MIER1: variants seen among roughly 807,000 people sequenced by gnomAD.
MIER1 encodes mesoderm induction early response protein 1.
A neutral mutation model predicts 75.7 loss-of-function variants in MIER1; 40 were observed. That is an observed-to-expected ratio of 0.53 (90% CI 0.41 to 0.69). The LOEUF is 0.69. MIER1 is among the 30% of genes least tolerant of loss of function. The probability of loss-of-function intolerance (pLI) is 0.00; values close to 1 mark genes in which losing one functional copy is unlikely to be tolerated. For synonymous variants in MIER1, 213 were observed against 223.4 expected, an observed-to-expected ratio of 0.95 and a Z score of 0.42; for missense variants, 574 against 680.2, an observed-to-expected ratio of 0.84 and a Z score of 1.74.
intron 2 of MIER1, among the ~76,000 whole-genome samples, chr1:66,938,445 C>G (rs1655429776): frequency 6.6e-6 from 1 of 152,008 alleles, no homozygotes; most frequent in South Asian, 2.1e-4. Context: ...TTGCTTGTAG[C>G]CTTACAGAGA....
At chr1:66,931,853 A>C (rs1350945820) in intron 2 of MIER1, among the ~76,000 whole-genome samples, 1 of 144,670 alleles carries the variant, frequency 6.9e-6, no homozygotes, top group East Asian at 1.9e-4. Context: ...TTTGTCAGTT[A>C]GTGTCTTCAG....
intron 8 of MIER1, among the ~76,000 whole-genome samples, chr1:66,967,459 G>T (rs1202074119): frequency 2.6e-5 from 4 of 152,100 alleles, no homozygotes; most frequent in African/African-American, 9.7e-5. Flanking sequence ...TTCTGCTTAG[G>T]ATAGCTTTGG....
chr1:66,928,836 T>C (rs927098289), intron 2 of MIER1: 2 of 1,211,740 alleles, frequency 1.7e-6, no homozygotes, highest in Non-Finnish European at 2.4e-6. Context: ...GTTTGTAGAT[T>C]TGGGAACCTT....
Position 66,958,172 on chromosome 1 carries a change from T to A in MIER1, c.453T>A (p.Asp151Glu). The A allele has an allele frequency of 6.2e-7, 1 of 1,602,962 alleles. No individual in the cohort carries two copies. Among genetic ancestry groups the A allele is most frequent in the Non-Finnish European group, 8.5e-7 (1 of 1,170,034 alleles). The change falls in exon 5 of 14, where the codon GAT becomes GAA. Residue 151 changes from aspartate to glutamate, a missense_variant. Physicochemically the swap from Asp to Glu is conservative, Grantham distance 45 (BLOSUM62 2). Around this residue, in one of 3 missense-constraint regions of MIER1, gnomAD observed 309 missense variants for 352.8 expected, o/e 0.88. Coordinates refer to ENST00000401041, the MANE Select transcript of MIER1 (RefSeq NM_001077700.3). The stretch of plus-strand genomic sequence containing the variant: ...AAGAGGAAGAAGAAGGTGAAGATGA[T>A]GAAGATGCTGATAATGATGACAACA... ...EEEEEEEGED[D>E]EDADNDDNSG...
In MIER1 at chr1:66,959,823, A is replaced by G. The variant is rs536824914; in HGVS notation, c.699+80A>G. On this transcript the variant is annotated intron_variant, in intron 7 of 13. Coordinates refer to ENST00000401041, the MANE Select transcript of MIER1 (RefSeq NM_001077700.3). Reference sequence around the variant, plus strand: ...GCCTCGTGTAATTATTTTTTTTTTTACTAACTATGTATATTGATAAAATCG... The same window carrying G: ...GCCTCGTGTAATTATTTTTTTTTTTGCTAACTATGTATATTGATAAAATCG... The G allele has an allele frequency of 1.7e-3, 804 of 462,546 alleles. 2 individuals are homozygous for G. The highest frequency in any genetic ancestry group is 2.6e-3 in the Non-Finnish European group (697 of 272,100). 28.7% of individuals were successfully genotyped at this position (462,546 alleles called of 1,614,324 possible). A position where few individuals can be genotyped will look rare whatever the true frequency, so the allele number is the denominator to read the frequency against.
In MIER1 at chr1:66,926,194, A is replaced by G. The variant is rs369976632; in HGVS notation, c.120A>G (p.Leu40=). The part of the protein sequence containing the change: ...SQCLAEFRTW[L]RTNWLRFNAD... ...GCCTGGCTGAGTTTCGGACGTGGTTAAGAACCAACTGGTTGAGGTTCAATG... is the reference window on the plus strand; with the variant it reads ...GCCTGGCTGAGTTTCGGACGTGGTTGAGAACCAACTGGTTGAGGTTCAATG... The change falls in exon 2 of 14, where the codon TTA becomes TTG. Residue 40 remains leucine (L), a synonymous_variant. Coordinates refer to ENST00000401041, the MANE Select transcript of MIER1 (RefSeq NM_001077700.3). 1 of 1,613,852 alleles carries G rather than the reference A, an allele frequency of 6.2e-7. No homozygotes were observed. Among genetic ancestry groups the G allele is most frequent in the African/African-American group, 1.3e-5 (1 of 74,918 alleles).
intron 5 of MIER1, 85 bp from the exon 6 acceptor site, chr1:66,958,766 A>G: frequency 1.7e-6 from 2 of 1,190,372 alleles, no homozygotes; most frequent in East Asian, 2.4e-5. Flanking sequence ...TTCTGCATAT[A>G]TTAGAACAAA....
At chr1:66,964,241 T>G (rs1661873716) in intron 8 of MIER1, among the ~76,000 whole-genome samples, 1 of 149,892 alleles carries the variant, frequency 6.7e-6, no homozygotes. Flanking sequence ...CCAGCTAATT[T>G]TTTTGTGTTT....
At chr1:66,930,624 A>C (rs1652991632) in intron 2 of MIER1, among the ~76,000 whole-genome samples, 1 of 150,946 alleles carries the variant, frequency 6.6e-6, no homozygotes, top group South Asian at 2.1e-4. Context: ...CTTCGGGGGC[A>C]GTTTGAAGGG....
chr1:66,940,510 A>G (rs1655972988), intron 3 of MIER1, among the ~76,000 whole-genome samples: 1 of 152,126 alleles, frequency 6.6e-6, no homozygotes, highest in African/African-American at 2.4e-5. Flanking sequence ...TTTAATGTAA[A>G]TAAGGAATAT....
In MIER1 at chr1:66,932,052, C is replaced by A. The variant is rs184944370; in HGVS notation, c.168+5810C>A. ...GTTAAAAAACTTAAATTTAAAATTT[C>A]TGTGTTTTTAAAAAATAAATTTTAT... On this transcript the variant is annotated intron_variant, in intron 2 of 13. Coordinates refer to ENST00000401041, the MANE Select transcript of MIER1 (RefSeq NM_001077700.3). Among the ~76,000 whole-genome samples the A allele has an allele frequency of 2.8e-3, 422 of 151,948 alleles. 1 individual carries two copies. Among genetic ancestry groups the A allele is most frequent in the Non-Finnish European group, 5.3e-3 (359 of 67,892 alleles).
chr1:66,925,172 C>G, intron 1 of MIER1, 77 bp downstream of exon 1: 1 of 1,494,478 alleles, frequency 6.7e-7, no homozygotes, highest in South Asian at 1.3e-5. Flanking sequence ...TGTCCTCAGT[C>G]CCCTTTCTCT....
intron 10 of MIER1, among the ~76,000 whole-genome samples, chr1:66,972,261 TAG>T (rs145977038): frequency 0.32 from 17,142 of 53,266 alleles, 1,114 homozygotes; most frequent in African/African-American, 0.47. Flanking sequence ...TATATATATA[TAG>T]ATATGTAACA....
chr1:66,946,187 A>G lies in MIER1; in HGVS notation c.231A>G (p.Pro77=), dbSNP rs1657593233. 4 of 1,611,834 alleles carry G rather than the reference A, an allele frequency of 2.5e-6. No individual in the cohort carries two copies. Among genetic ancestry groups the G allele is most frequent in the Non-Finnish European group, 2.5e-6 (3 of 1,179,546 alleles). ...CATCAGATGACCATGAATTTGATCC[A>G]TCAGCTGACATGCTGGTTCATGATT... ...SATSDDHEFD[P]SADMLVHDFD... is the part of the protein sequence containing the mutation. The change falls in exon 4 of 14, where the codon CCA becomes CCG. Residue 77 remains proline (P), a synonymous_variant. Transcript: ENST00000401041.
At chr1:66,939,889 C>T in intron 2 of MIER1, 139 bp from the exon 3 acceptor site, 1 of 601,890 alleles carries the variant, frequency 1.7e-6, no homozygotes, top group Non-Finnish European at 2.9e-6. Flanking sequence ...TTGGAAAATG[C>T]AGACATTAAA....
In MIER1 at chr1:66,988,576, G is replaced by T. The variant is rs1394491032; in HGVS notation, c.*3676G>T. On this transcript the variant is annotated 3_prime_UTR_variant, in exon 14 of 14. Coordinates refer to ENST00000401041, the MANE Select transcript of MIER1 (RefSeq NM_001077700.3). ...TCAATTTGTCTTTAGTTAGTATAAA[G>T]AATTATAGAATGTATAATGTAATTA... is the stretch of plus-strand genomic sequence containing the variant. The T allele has an allele frequency of 1.3e-5, 2 of 152,196 alleles. No individual in the cohort carries two copies. Among genetic ancestry groups the T allele is most frequent in the Non-Finnish European group, 2.9e-5 (2 of 68,028 alleles). 9.4% of individuals were successfully genotyped at this position (152,196 alleles called of 1,614,324 possible).
At chr1:66,947,022 G>C (rs1236558631) in intron 4 of MIER1, 4 of 984,482 alleles carry the variant, frequency 4.1e-6, no homozygotes, top group Non-Finnish European at 3.6e-6. Flanking sequence ...CTGGATCAGT[G>C]CTCCTCAAAA....
intron 13 of MIER1, among the ~76,000 whole-genome samples, chr1:66,982,151 G>T (rs906408259): frequency 6.6e-6 from 1 of 152,140 alleles, no homozygotes. Context: ...ACTATTTCTT[G>T]TAAGAAATTT....
intron 4 of MIER1, among the ~76,000 whole-genome samples, 195 bp from the exon 5 acceptor site, chr1:66,957,864 T>G (rs1412755489): frequency 2.6e-5 from 4 of 152,202 alleles, no homozygotes; most frequent in Non-Finnish European, 5.9e-5. Context: ...TGGTTCATTT[T>G]ATAGAAATAC....
Sources: allele counts gnomAD v4.1 joint callset (sites outside exome capture counted in the v4.1 genomes callset), GRCh38; gene constraint gnomAD v4.1.1; regional missense constraint gnomAD v4.1.1; transcripts MANE v1.5; gene names NCBI Gene and HGNC (gene_info 2026-07-23, HGNC 2026-07-21).